ZNF831: variants seen among roughly 807,000 people sequenced by gnomAD.
ZNF831 encodes zinc finger protein 831.
In ZNF831, 59 loss-of-function variants were observed where a neutral mutation model predicts 95.8. The observed-to-expected ratio is 0.62, with a 90% confidence interval of 0.50 to 0.77. The LOEUF (loss-of-function observed/expected upper bound fraction) is 0.77. Ranked by LOEUF, ZNF831 falls within the 30% of genes least tolerant of loss-of-function variation. ZNF831 has a pLI of 0.00. For synonymous variants in ZNF831, 961 were observed against 925.5 expected, an observed-to-expected ratio of 1.04 and a Z score of -0.70; for missense variants, 2,205 against 2,164.0, an observed-to-expected ratio of 1.02 and a Z score of -0.38.
chr20:59,155,761 C>A (rs1195012228), intron 2 of ZNF831, among the ~76,000 whole-genome samples: 1 of 152,176 alleles, frequency 6.6e-6, no homozygotes, highest in Non-Finnish European at 1.5e-5. Flanking sequence ...CCAAAAGTCT[C>A]CCCTCCTTTG....
chr20:59,149,079 C>T (rs1396120784), intron 2 of ZNF831, among the ~76,000 whole-genome samples: 2 of 152,180 alleles, frequency 1.3e-5, no homozygotes, highest in Non-Finnish European at 2.9e-5. Flanking sequence ...TGTCTGTGGC[C>T]ACAGATGAAT....
At chr20:59,143,530 G>A (rs544925533) in intron 1 of ZNF831, among the ~76,000 whole-genome samples, 32 of 152,290 alleles carry the variant, frequency 2.1e-4, no homozygotes, top group African/African-American at 7.7e-4. Context: ...TCCAGCCATG[G>A]CAGGCCTGGC....
At chr20:59,239,131 A>G (rs1031433488) in intron 4 of ZNF831, among the ~76,000 whole-genome samples, 2 of 152,208 alleles carry the variant, frequency 1.3e-5, no homozygotes, top group South Asian at 2.1e-4. Context: ...TTTGGGGTAC[A>G]GGCCCACTTC....
intron 1 of ZNF831, among the ~76,000 whole-genome samples, chr20:59,130,501 G>A (rs886580174): frequency 7.2e-5 from 11 of 152,160 alleles, no homozygotes; most frequent in African/African-American, 2.2e-4. Flanking sequence ...AGAAAAAGAA[G>A]TTTGAGGCGT....
chr20:59,186,052 A>C (rs569323340), intron 1 of ZNF831, among the ~76,000 whole-genome samples: 1 of 152,302 alleles, frequency 6.6e-6, no homozygotes, highest in South Asian at 2.1e-4. Flanking sequence ...ATGCCAGGAC[A>C]TGGCTGCTCC....
intron 1 of ZNF831, among the ~76,000 whole-genome samples, chr20:59,131,351 C>T (rs74585165): frequency 0.091 from 13,860 of 152,240 alleles, 727 homozygotes; most frequent in Non-Finnish European, 0.11. Flanking sequence ...AGTCAGCTCC[C>T]GCACTAAAGC....
chr20:59,192,944 G>T lies in ZNF831; in HGVS notation c.1925G>T (p.Gly642Val), dbSNP rs1430946682. The T allele has an allele frequency of 3.1e-6, 5 of 1,600,678 alleles. No homozygotes were observed. Among genetic ancestry groups the T allele is most frequent in the South Asian group, 1.1e-5 (1 of 88,164 alleles). ...YQKMKASPHG[G>V]KKAREVGMGS... Reference sequence around the variant, plus strand: ...AAAATGAAAGCCAGTCCCCATGGAGGCAAGAAAGCCAGGGAGGTGGGAATG... The same window carrying T: ...AAAATGAAAGCCAGTCCCCATGGAGTCAAGAAAGCCAGGGAGGTGGGAATG... The change falls in exon 2 of 6, where the codon GGC becomes GTC. Residue 642 changes from glycine (G) to valine (V), a missense_variant. Physicochemically the swap from Gly to Val is moderately radical, Grantham distance 109 (BLOSUM62 -3). Coordinates refer to ENST00000371030, the MANE Select transcript of ZNF831 (RefSeq NM_178457.3). The surrounding 1 kb of genome is among the most constrained non-coding windows in gnomAD (Gnocchi z 5.2).
At chr20:59,184,041 C>T (rs1428462102) in intron 1 of ZNF831, among the ~76,000 whole-genome samples, 1 of 152,210 alleles carries the variant, frequency 6.6e-6, no homozygotes, top group Non-Finnish European at 1.5e-5. Flanking sequence ...CCCCTCCTCC[C>T]CCAACCCCTG....
At chr20:59,147,662 A>G (rs911681689) in intron 2 of ZNF831, among the ~76,000 whole-genome samples, 1 of 152,370 alleles carries the variant, frequency 6.6e-6, no homozygotes, top group African/African-American at 2.4e-5. Flanking sequence ...CTCATCTCCA[A>G]ACAAGGCTGA....
rs1983634940 is a variant in ZNF831 at position 59,192,283 on chromosome 20, G to A, written c.1264G>A (p.Ala422Thr). 6.3e-7 allele frequency: 1 copy of A among 1,589,204 alleles called. No homozygotes were observed. The highest frequency in any genetic ancestry group is 8.6e-7 in the Non-Finnish European group (1 of 1,167,506). ...CCACAACCAGGCGGTGGTGGACGAT[G>A]CCCAGCTGGACAACGTGCGGCCCCG... is the stretch of plus-strand genomic sequence containing the variant. Reference protein sequence around the residue: ...ISHNQAVVDDAQLDNVRPRKT... With the variant: ...ISHNQAVVDDTQLDNVRPRKT... Residue 422 changes from alanine to threonine, a missense_variant, in exon 2 of 6, where the codon GCC becomes ACC. Physicochemically the swap from Ala to Thr is moderately conservative, Grantham distance 58. Transcript: ENST00000371030. The surrounding 1 kb of genome is among the most constrained non-coding windows in gnomAD (Gnocchi z 5.2).
chr20:59,187,890 T>G (rs1983190251), intron 1 of ZNF831, among the ~76,000 whole-genome samples: 1 of 152,230 alleles, frequency 6.6e-6, no homozygotes, highest in Admixed American at 6.5e-5. Context: ...ACAAATGCAA[T>G]TATAAAACAC....
intron 1 of ZNF831, among the ~76,000 whole-genome samples, chr20:59,181,825 GA>G: frequency 6.6e-6 from 1 of 151,396 alleles, no homozygotes; most frequent in Non-Finnish European, 1.5e-5. Flanking sequence ...AGCTTGATGG[GA>G]ATAACATTGA....
intron 4 of ZNF831, among the ~76,000 whole-genome samples, chr20:59,233,488 A>G (rs1330728493): frequency 6.6e-6 from 1 of 152,178 alleles, no homozygotes; most frequent in Non-Finnish European, 1.5e-5. Flanking sequence ...CGCAAAGCAA[A>G]TGACAGACCA....
chr20:59,233,058 AC>A (rs1333202189), intron 4 of ZNF831, among the ~76,000 whole-genome samples: 2 of 150,810 alleles, frequency 1.3e-5, no homozygotes, highest in African/African-American at 4.9e-5. Context: ...AGAGAGAGAG[AC>A]AGACAGAGAC....
chr20:59,248,451 T>G (rs1987724074), intron 4 of ZNF831, among the ~76,000 whole-genome samples: 1 of 152,266 alleles, frequency 6.6e-6, no homozygotes, highest in African/African-American at 2.4e-5. Flanking sequence ...GATAATTCAC[T>G]TTTCTCTGTA....
chr20:59,258,396 C>T lies in ZNF831; in HGVS notation c.*3653C>T, dbSNP rs1988275591. 2 of 152,770 alleles carry T rather than the reference C, an allele frequency of 1.3e-5. No homozygotes were observed. Among genetic ancestry groups the T allele is most frequent in the African/African-American group, 2.4e-5 (1 of 41,574 alleles). The allele number at this position is 152,770 out of a possible 1,614,324, so 9.5% of individuals were successfully genotyped here. A position where few individuals can be genotyped will look rare whatever the true frequency, so the allele number is the denominator to read the frequency against. The stretch of plus-strand genomic sequence containing the variant: ...GCCAAAAAGTATTTCCTTGCATTTA[C>T]ATTCATTACTTAGAATGATCACATT... On this transcript the variant is annotated 3_prime_UTR_variant, in exon 6 of 6. Coordinates refer to ENST00000371030, the MANE Select transcript of ZNF831 (RefSeq NM_178457.3).
intron 1 of ZNF831, 131 bp from the exon 2 acceptor site, chr20:59,190,853 A>C: frequency 1.4e-6 from 1 of 723,864 alleles, no homozygotes; most frequent in Non-Finnish European, 2.0e-6. Context: ...CTCGCTTGGG[A>C]TGAGAGTACA....
intron 3 of ZNF831, among the ~76,000 whole-genome samples, chr20:59,200,144 T>G (rs1984422034): frequency 6.6e-6 from 1 of 152,190 alleles, no homozygotes; most frequent in South Asian, 2.1e-4. Flanking sequence ...TATCCTTTGG[T>G]GTTCCATAGT....
Position 59,191,321 on chromosome 20 carries a change from G to A in ZNF831, c.302G>A (p.Gly101Asp), listed in dbSNP as rs771328854. Residue 101 changes from glycine (G) to aspartate (D), a missense_variant, in exon 2 of 6, where the codon GGC becomes GAC. Physicochemically the swap from Gly to Asp is moderately conservative, Grantham distance 94. Coordinates refer to ENST00000371030, the MANE Select transcript of ZNF831 (RefSeq NM_178457.3). ...CCTGTGCTGCAGCCTGAAGGGCCTGGCCCCACCCAGGTGGGGAAGCCGGCG... is the reference window on the plus strand; with the variant it reads ...CCTGTGCTGCAGCCTGAAGGGCCTGACCCCACCCAGGTGGGGAAGCCGGCG... The part of the protein sequence containing the change: ...LSPVLQPEGP[G>D]PTQVGKPAAP... 1 of 1,600,436 alleles carries A rather than the reference G, an allele frequency of 6.2e-7. No homozygotes were observed. Among genetic ancestry groups the A allele is most frequent in the Non-Finnish European group, 8.5e-7 (1 of 1,173,678 alleles).
Sources: gnomAD v4.1 joint callset for allele counts (sites outside exome capture counted in the v4.1 genomes callset) on GRCh38, gnomAD v4.1.1 for gene constraint, Gnocchi (gnomAD v3.1) non-coding constraint, MANE v1.5 for transcripts, NCBI Gene and HGNC (gene_info 2026-07-23, HGNC 2026-07-21) for gene names.